GAD2: variants seen among roughly 807,000 people sequenced by gnomAD.
GAD2 encodes the protein glutamate decarboxylase 2.
Under a neutral mutation model 80.1 loss-of-function variants are expected in GAD2, and 22 were observed. The ratio of observed to expected loss-of-function variants is 0.27; its 90% CI spans 0.20 to 0.39. The LOEUF (loss-of-function observed/expected upper bound fraction) is 0.39. GAD2 is among the 10% of genes least tolerant of loss of function. The probability of loss-of-function intolerance (pLI) is 1.00; values close to 1 mark genes in which losing one functional copy is unlikely to be tolerated. For synonymous variants in GAD2, 274 were observed against 256.9 expected (o/e 1.07, Z -0.64); for missense variants, 624 against 738.4 (o/e 0.85, Z 1.80).
intron 8 of GAD2, among the ~76,000 whole-genome samples, chr10:26,268,642 T>C (rs1316615350): frequency 6.6e-6 from 1 of 152,200 alleles, no homozygotes; most frequent in Non-Finnish European, 1.5e-5. Flanking sequence ...ACTTGGAATG[T>C]CATTAGGTAG....
chr10:26,240,503 G>T (rs112187758), intron 7 of GAD2, among the ~76,000 whole-genome samples: 2,145 of 152,110 alleles, frequency 0.014, 55 homozygotes, highest in African/African-American at 0.049. Flanking sequence ...AGGCTGAGGT[G>T]GGCAAATCAC....
At chr10:26,287,902 T>C (rs1261740921) in intron 13 of GAD2, among the ~76,000 whole-genome samples, 1 of 152,148 alleles carries the variant, frequency 6.6e-6, no homozygotes, top group African/African-American at 2.4e-5. Context: ...GGTAACATGC[T>C]CAGTCCCATA....
At chr10:26,222,627 G>A (rs965793049) in intron 4 of GAD2, among the ~76,000 whole-genome samples, 9 of 152,156 alleles carry the variant, frequency 5.9e-5, no homozygotes, top group Non-Finnish European at 1.0e-4. Flanking sequence ...GAGGCCACAA[G>A]GACATAAAAC....
chr10:26,239,143 G>C (rs1844710503), intron 7 of GAD2, among the ~76,000 whole-genome samples: 1 of 152,216 alleles, frequency 6.6e-6, no homozygotes, highest in Admixed American at 6.5e-5. Context: ...TGGAACAAAA[G>C]AATCAAGCCT....
intron 10 of GAD2, 139 bp downstream of exon 10, chr10:26,270,895 G>A: frequency 1.4e-6 from 1 of 705,020 alleles, no homozygotes; most frequent in Non-Finnish European, 2.5e-6. Flanking sequence ...TTTAAAGCTG[G>A]ATGAAGCAAA....
intron 7 of GAD2, among the ~76,000 whole-genome samples, chr10:26,233,756 C>T (rs1469841308): frequency 4.6e-5 from 7 of 152,172 alleles, no homozygotes; most frequent in South Asian, 2.1e-4. Flanking sequence ...GCCTTTTCTC[C>T]GGCTAGACAA....
chr10:26,273,822 G>T, intron 11 of GAD2, 122 bp downstream of exon 11: 1 of 740,806 alleles, frequency 1.3e-6, no homozygotes, highest in Non-Finnish European at 2.3e-6. Flanking sequence ...CAGTGCTTGT[G>T]TTCCTTGCCT....
At chr10:26,293,366 TG>T (rs1834240313) in intron 15 of GAD2, among the ~76,000 whole-genome samples, 2 of 151,730 alleles carry the variant, frequency 1.3e-5, no homozygotes, top group Non-Finnish European at 2.9e-5. Flanking sequence ...TTAGTAGAGA[TG>T]GGGTTTCAAT....
intron 15 of GAD2, among the ~76,000 whole-genome samples, chr10:26,293,303 G>A (rs1203629112): frequency 4.1e-5 from 6 of 147,526 alleles, no homozygotes; most frequent in East Asian, 2.1e-4. Flanking sequence ...TCAGCCTCCC[G>A]AGTAGCTGGG....
chr10:26,254,340 C>A (rs1844919129), intron 8 of GAD2, among the ~76,000 whole-genome samples: 1 of 152,188 alleles, frequency 6.6e-6, no homozygotes, highest in Non-Finnish European at 1.5e-5. Context: ...AACCTAGATC[C>A]CTCACATCCG....
At chr10:26,264,397 C>T (rs1224518591) in intron 8 of GAD2, among the ~76,000 whole-genome samples, 3 of 151,148 alleles carry the variant, frequency 2.0e-5, no homozygotes, top group African/African-American at 4.9e-5. Flanking sequence ...GCAAGCTCTG[C>T]CTTCGTGTTC....
intron 13 of GAD2, among the ~76,000 whole-genome samples, chr10:26,292,228 G>A (rs561340294): frequency 1.3e-5 from 2 of 152,294 alleles, no homozygotes; most frequent in East Asian, 3.9e-4. Context: ...GGGGAATGGA[G>A]GCTCTGGAAG....
intron 8 of GAD2, 124 bp from the exon 9 acceptor site, chr10:26,268,995 T>A: frequency 3.3e-6 from 2 of 599,440 alleles, no homozygotes; most frequent in Non-Finnish European, 5.8e-6. Flanking sequence ...AGTCAAGGAG[T>A]TGTTTTCTCC....
intron 7 of GAD2, among the ~76,000 whole-genome samples, chr10:26,245,019 G>A: frequency 6.6e-6 from 1 of 151,994 alleles, no homozygotes; most frequent in South Asian, 2.1e-4. Context: ...TAGGCATGGT[G>A]GTGGGCACCT....
At chr10:26,277,961 CAA>C (rs976396419) in intron 11 of GAD2, among the ~76,000 whole-genome samples, 1 of 151,522 alleles carries the variant, frequency 6.6e-6, no homozygotes, top group African/African-American at 2.4e-5. Flanking sequence ...AATCCCACAG[CAA>C]AACATTTTGA....
rs565613038 is a variant in GAD2, at chr10:26,260,518, C to T, written c.921-8601C>T. Among the ~76,000 whole-genome samples the T allele has an allele frequency of 3.3e-5, 5 of 152,234 alleles. No homozygotes were observed. In the East Asian group the frequency reaches 9.7e-4, roughly 29 times the overall value. On this transcript the variant is annotated intron_variant, in intron 8 of 15. Transcript: ENST00000376261. Reference sequence around the variant, plus strand: ...TGGCGCGTGGCTGTATTCCCAGCTACTCGGGAGGCTGAGGCAGGAGAATCA... The same window carrying T: ...TGGCGCGTGGCTGTATTCCCAGCTATTCGGGAGGCTGAGGCAGGAGAATCA...
intron 6 of GAD2, chr10:26,224,899 G>A (rs1844501974): frequency 6.8e-6 from 3 of 442,636 alleles, no homozygotes; most frequent in Admixed American, 4.1e-5. Flanking sequence ...CTTACCCAGT[G>A]CTTCTACTGT....
chr10:26,243,809 GAGTT>G (rs1589142193), intron 7 of GAD2, among the ~76,000 whole-genome samples: 1 of 152,178 alleles, frequency 6.6e-6, no homozygotes, highest in African/African-American at 2.4e-5. Context: ...CCTCTTACCT[GAGTT>G]TACTGAGTTT....
intron 8 of GAD2, among the ~76,000 whole-genome samples, chr10:26,265,241 G>A (rs1184896401): frequency 7.2e-6 from 1 of 139,654 alleles, no homozygotes; most frequent in Non-Finnish European, 1.5e-5. Flanking sequence ...GTCTCACTCT[G>A]TCGCCAGGCT....
Sources: allele counts gnomAD v4.1 joint callset (sites outside exome capture counted in the v4.1 genomes callset), GRCh38; gene constraint gnomAD v4.1.1; transcripts MANE v1.5; gene names NCBI Gene and HGNC (gene_info 2026-07-23, HGNC 2026-07-21).